Variants in SEPTIN9 observed in about 807,000 individuals in gnomAD.
SEPTIN9 encodes septin-9.
Under a neutral mutation model 56.6 loss-of-function variants are expected in SEPTIN9, and 13 were observed. The observed-to-expected ratio is 0.23, with a 90% CI of 0.15 to 0.37. SEPTIN9 has a LOEUF of 0.37. Among genes scored for constraint, SEPTIN9 ranks in the 10% least tolerant of loss-of-function variants. The pLI, the probability that SEPTIN9 is intolerant of heterozygous loss-of-function variation, is 1.00. For synonymous variants in SEPTIN9, 332 were observed against 334.1 expected (o/e 0.99, Z 0.07); for missense variants, 650 against 823.1 (o/e 0.79, Z 2.57).
intron 2 of SEPTIN9, among the ~76,000 whole-genome samples, chr17:77,364,469 G>A (rs76958903): frequency 0.026 from 4,003 of 152,356 alleles, 75 homozygotes; most frequent in Non-Finnish European, 0.04. Context: ...GGCTGTGAAC[G>A]TCGGTGCCTT....
chr17:77,419,638 C>A (rs559157993), intron 3 of SEPTIN9, among the ~76,000 whole-genome samples: 1 of 152,172 alleles, frequency 6.6e-6, no homozygotes, highest in African/African-American at 2.4e-5. Flanking sequence ...GTCCCTCCCC[C>A]GGTGCTGGTC....
intron 4 of SEPTIN9, among the ~76,000 whole-genome samples, chr17:77,484,320 A>ATGG (rs200881925): frequency 3.0e-5 from 2 of 67,376 alleles, no homozygotes; most frequent in African/African-American, 1.6e-4. Context: ...GGTGATTGTG[A>ATGG]TGGTGGTGGT....
At chr17:77,332,454 A>T (rs768729633) in intron 2 of SEPTIN9, among the ~76,000 whole-genome samples, 3 of 152,232 alleles carry the variant, frequency 2.0e-5, no homozygotes, top group Non-Finnish European at 4.4e-5. Flanking sequence ...TGCAGAAATC[A>T]GCACACAACA....
At chr17:77,488,130 C>A in intron 5 of SEPTIN9, 110 bp from the exon 6 acceptor site, 1 of 977,814 alleles carries the variant, frequency 1.0e-6, no homozygotes, top group Non-Finnish European at 1.6e-6. Context: ...CCGGTGTCTC[C>A]TTGGTTGTCA....
intron 1 of SEPTIN9, among the ~76,000 whole-genome samples, chr17:77,289,767 ATCTTT>A (rs1273961204): frequency 1.3e-5 from 2 of 152,198 alleles, no homozygotes; most frequent in African/African-American, 4.8e-5. Flanking sequence ...TGTACACTGT[ATCTTT>A]TCTTTCTCTT....
At chr17:77,417,606 C>T (rs775998087) in intron 3 of SEPTIN9, among the ~76,000 whole-genome samples, 5 of 152,200 alleles carry the variant, frequency 3.3e-5, no homozygotes, top group Non-Finnish European at 7.3e-5. Flanking sequence ...AACAAAAGCA[C>T]GTTTCTAACT....
At position 77,498,714 on chromosome 17, in the gene SEPTIN9, A is replaced by T; in HGVS notation, c.*56A>T. The T allele has an allele frequency of 2.9e-6, 1 of 349,512 alleles. No individual in the cohort carries two copies. Among genetic ancestry groups the T allele is most frequent in the Non-Finnish European group, 4.1e-6 (1 of 245,258 alleles). 21.7% of individuals were successfully genotyped at this position (349,512 alleles called of 1,614,324 possible). ...CCCCAAGTCATTTCCGTCCCCCCCC[A>T]GGCCCTCCCACCACCCCATTTTATT... On this transcript the variant is annotated 3_prime_UTR_variant, in exon 12 of 12. Transcript: ENST00000427177.
In SEPTIN9 at chr17:77,433,006, G is replaced by A. The variant is rs773161636; in HGVS notation, c.721+30303G>A. ...TGGAGTCAGAGAATCCCCTGTCGCC[G>A]TGGCGGGGCTGTTCCCTCCTGCCCC... On this transcript the variant is annotated intron_variant, in intron 3 of 11. Coordinates refer to ENST00000427177, the MANE Select transcript of SEPTIN9 (RefSeq NM_001113491.2). The surrounding 1 kb of genome is among the most constrained non-coding windows in gnomAD (Gnocchi z 6.4). Among the ~76,000 whole-genome samples the A allele has an allele frequency of 4.6e-5, 7 of 152,212 alleles. No homozygotes were observed. The highest frequency in any genetic ancestry group is 4.8e-5 in the African/African-American group (2 of 41,460).
At position 77,492,518 on chromosome 17, in the gene SEPTIN9, C is replaced by G; in HGVS notation, c.1381-103C>G. On this transcript the variant is annotated intron_variant, in intron 8 of 11. Transcript: ENST00000427177. The surrounding 1 kb of genome is among the most constrained non-coding windows in gnomAD (Gnocchi z 5.4). ...GCCCCCCAGAGCCTGCCCTTGAACC[C>G]GAGCCTGGGGCAGCACACAGTGTGG... The G allele has an allele frequency of 9.4e-7, 1 of 1,062,996 alleles. No homozygotes were observed. Among genetic ancestry groups the G allele is most frequent in the South Asian group, 1.3e-5 (1 of 79,788 alleles). 65.8% of individuals were successfully genotyped at this position (1,062,996 alleles called of 1,614,324 possible). A position where few individuals can be genotyped will look rare whatever the true frequency, so the allele number is the denominator to read the frequency against.
chr17:77,281,509 C>CGA lies in SEPTIN9; in HGVS notation c.-27_-26insGA, dbSNP rs2031016830. The CGA allele has an allele frequency of 6.5e-7, 1 of 1,546,870 alleles. No individual in the cohort carries two copies. Among genetic ancestry groups the CGA allele is most frequent in the African/African-American group, 1.4e-5 (1 of 72,244 alleles). On this transcript the variant is annotated 5_prime_UTR_variant, in exon 1 of 12. Transcript: ENST00000427177. ...CCCCGCTGCCTCGCCGCCACACTTT[C>CGA]CTGGGAGCGGCGGCCACGGAGGCAC...
At chr17:77,282,081 G>C (rs1383354407) in intron 1 of SEPTIN9, among the ~76,000 whole-genome samples, 4 of 152,182 alleles carry the variant, frequency 2.6e-5, no homozygotes, top group African/African-American at 9.7e-5. Context: ...CGCTCAGGAC[G>C]CCGCCCGCGG....
chr17:77,364,471 C>T (rs942197838), intron 2 of SEPTIN9, among the ~76,000 whole-genome samples: 3 of 152,246 alleles, frequency 2.0e-5, no homozygotes, highest in African/African-American at 4.8e-5. Context: ...CTGTGAACGT[C>T]GGTGCCTTTG....
Position 77,319,434 on chromosome 17 carries a change from A to T in SEPTIN9, c.76+12237A>T. On this transcript the variant is annotated intron_variant, in intron 2 of 11. Coordinates refer to ENST00000427177, the MANE Select transcript of SEPTIN9 (RefSeq NM_001113491.2). The surrounding 1 kb of genome is among the most constrained non-coding windows in gnomAD (Gnocchi z 5.3). The stretch of plus-strand genomic sequence containing the variant: ...CCTCCCAGGGGACGGCTAGAGACTC[A>T]CTGACTCATGCGTGTGTGGTAGGAA... The T allele has an allele frequency of 3.5e-6, 2 of 563,926 alleles. No homozygotes were observed. The highest frequency in any genetic ancestry group is 8.0e-5 in the South Asian group (1 of 12,448). The allele number at this position is 563,926 out of a possible 1,614,324, so 34.9% of individuals were successfully genotyped here. A position where few individuals can be genotyped will look rare whatever the true frequency, so the allele number is the denominator to read the frequency against.
chr17:77,314,644 G>A (rs188562943), intron 2 of SEPTIN9, among the ~76,000 whole-genome samples: 49 of 152,260 alleles, frequency 3.2e-4, no homozygotes, highest in East Asian at 7.7e-4. Context: ...CCAAAGATGC[G>A]TTCTCTCCAC....
chr17:77,432,666 G>A (rs2037188686), intron 3 of SEPTIN9, among the ~76,000 whole-genome samples: 3 of 152,276 alleles, frequency 2.0e-5, no homozygotes, highest in Admixed American at 2.0e-4. Context: ...TGGGGACTGA[G>A]CGGGGGGTGT....
At chr17:77,471,965 C>CT (rs1188175031) in intron 3 of SEPTIN9, among the ~76,000 whole-genome samples, 1 of 147,996 alleles carries the variant, frequency 6.8e-6, no homozygotes, top group East Asian at 1.9e-4. Flanking sequence ...ATAAAATAGC[C>CT]CCCCCCACCA....
At chr17:77,448,394 T>C (rs922951262) in intron 3 of SEPTIN9, among the ~76,000 whole-genome samples, 3 of 151,632 alleles carry the variant, frequency 2.0e-5, no homozygotes, top group African/African-American at 7.3e-5. Flanking sequence ...GAGAATTGCT[T>C]GAACTCAGGA....
At chr17:77,346,354 C>T (rs1394325044) in intron 2 of SEPTIN9, among the ~76,000 whole-genome samples, 1 of 134,468 alleles carries the variant, frequency 7.4e-6, no homozygotes, top group Non-Finnish European at 1.5e-5. Context: ...TAAGCACTAG[C>T]TTCAGCCTAC....
chr17:77,402,002 C>CT lies in SEPTIN9; in HGVS notation c.77-57_77-56insT. 1 of 1,557,326 alleles carries CT rather than the reference C, an allele frequency of 6.4e-7. No individual in the cohort carries two copies. The highest frequency in any genetic ancestry group is 8.8e-7 in the Non-Finnish European group (1 of 1,141,676). Reference sequence around the variant, plus strand: ...CTGCTGCTCCTTAGCAGGAAACATGCCGGAGTGTTCCCTAGCCATCCATTC... The same window carrying CT: ...CTGCTGCTCCTTAGCAGGAAACATGCTCGGAGTGTTCCCTAGCCATCCATTC... On this transcript the variant is annotated intron_variant, in intron 2 of 11. Coordinates refer to ENST00000427177, the MANE Select transcript of SEPTIN9 (RefSeq NM_001113491.2). This position sits in a 1 kb window ranked among gnomAD's most constrained non-coding sequence, Gnocchi z 6.6.
Sources: allele counts gnomAD v4.1 joint callset (sites outside exome capture counted in the v4.1 genomes callset), GRCh38; gene constraint gnomAD v4.1.1; non-coding constraint Gnocchi (gnomAD v3.1); transcripts MANE v1.5; gene names NCBI Gene and HGNC (gene_info 2026-07-23, HGNC 2026-07-21).